The following LETM1 variants were observed in gnomAD, a reference collection of about 807,000 sequenced individuals.
LETM1 encodes leucine zipper and EF-hand containing transmembrane protein 1, also known as mitochondrial proton/calcium exchanger protein.
Under a neutral mutation model 74.5 loss-of-function variants are expected in LETM1, and 50 were observed. The ratio of observed to expected loss-of-function variants is 0.67; its 90% CI spans 0.53 to 0.85. LETM1 has a LOEUF of 0.85. Ranked by LOEUF, LETM1 falls within the 40% of genes least tolerant of loss-of-function variation. The probability of loss-of-function intolerance (pLI) is 0.00; values close to 1 mark genes in which losing one functional copy is unlikely to be tolerated. For synonymous variants in LETM1, 446 were observed against 407.1 expected, an observed-to-expected ratio of 1.10 and a Z score of -1.15; for missense variants, 824 against 967.8, an observed-to-expected ratio of 0.85 and a Z score of 1.97.
In LETM1 at chr4:1,841,397, G is replaced by C; in HGVS notation, c.544C>G (p.Leu182Val). 1.2e-6 allele frequency: 2 copies of C among 1,614,130 alleles called. No individual in the cohort carries two copies. The highest frequency in any genetic ancestry group is 8.5e-7 in the Non-Finnish European group (1 of 1,180,044). The stretch of plus-strand genomic sequence containing the variant: ...CTGTGGCCGTTGAGGATGCGCCAGA[G>C]CATGCGTGCCGCGATCTTGGTGTCG... Reference protein sequence around the residue: ...WIDTKIAARMLWRILNGHSLT... With the variant: ...WIDTKIAARMVWRILNGHSLT... Residue 182 changes from leucine to valine, a missense_variant, in exon 3 of 14, where the codon CTC becomes GTC. Transcript: ENST00000302787.
chr4:1,842,517 C>T (rs1712738497), intron 2 of LETM1, among the ~76,000 whole-genome samples: 1 of 152,246 alleles, frequency 6.6e-6, no homozygotes, highest in African/African-American at 2.4e-5. Context: ...TGCCTCTCAT[C>T]CACAGTGCTG....
chr4:1,844,886 G>GAA (rs971183682), intron 2 of LETM1, among the ~76,000 whole-genome samples: 86 of 50,874 alleles, frequency 1.7e-3, no homozygotes, highest in Non-Finnish European at 2.2e-3. Context: ...TGTCTCTACA[G>GAA]AAAAAAAAAA....
At chr4:1,838,839 C>T (rs1377927070) in intron 3 of LETM1, among the ~76,000 whole-genome samples, 4 of 152,174 alleles carry the variant, frequency 2.6e-5, no homozygotes, top group Non-Finnish European at 5.9e-5. Context: ...GGGCTGCACT[C>T]TCTGAGGCCC....
At chr4:1,829,552 C>T (rs1392265255) in intron 6 of LETM1, among the ~76,000 whole-genome samples, 3 of 152,266 alleles carry the variant, frequency 2.0e-5, no homozygotes, top group Non-Finnish European at 2.9e-5. Context: ...CAGTGGCTCA[C>T]GCCTGTAATC....
intron 2 of LETM1, among the ~76,000 whole-genome samples, chr4:1,844,326 C>T (rs1486391351): frequency 6.6e-6 from 1 of 152,254 alleles, no homozygotes; most frequent in African/African-American, 2.4e-5. Flanking sequence ...GGTCTCACAA[C>T]TGCTGTCTTA....
chr4:1,838,866 C>G (rs1245452984), intron 3 of LETM1, among the ~76,000 whole-genome samples: 1 of 152,044 alleles, frequency 6.6e-6, no homozygotes, highest in Admixed American at 6.5e-5. Context: ...TCCCATGGCT[C>G]TCACAGAAGC....
rs185672316 is a variant in LETM1, at chr4:1,842,155, G to C, written c.144-358C>G. 1.3e-4 allele frequency among the ~76,000 whole-genome samples: 20 copies of C among 152,278 alleles called. No individual in the cohort carries two copies. In the East Asian group the frequency reaches 3.9e-3, roughly 29 times the overall value. On this transcript the variant is annotated intron_variant, in intron 2 of 13. Transcript: ENST00000302787. ...TTGGGGAGGTAGGGTGCATTGCTTTGGCACTTCGTGGGGGAATGGAGTGCA... is the reference window on the plus strand; with the variant it reads ...TTGGGGAGGTAGGGTGCATTGCTTTCGCACTTCGTGGGGGAATGGAGTGCA...
rs558268364 is a variant in LETM1 at position 1,852,459 on chromosome 4, A to G, written c.83-3250T>C. The stretch of plus-strand genomic sequence containing the variant: ...TCAAGGCTTCATGACTGATTACAGT[A>G]TTGGCCCACTGGCCATGGGGACTGA... On this transcript the variant is annotated intron_variant, in intron 1 of 13. Transcript: ENST00000302787. Among the ~76,000 whole-genome samples the G allele has an allele frequency of 2.6e-5, 4 of 152,296 alleles. No individual in the cohort carries two copies. The South Asian group carries it at 8.3e-4, about 32-fold the overall frequency.
At chr4:1,815,112 A>G (rs947102915) in intron 13 of LETM1, among the ~76,000 whole-genome samples, 2 of 152,202 alleles carry the variant, frequency 1.3e-5, no homozygotes, top group Non-Finnish European at 2.9e-5. Context: ...TGGTGTGCGC[A>G]CTCAGGCTAG....
intron 12 of LETM1, among the ~76,000 whole-genome samples, chr4:1,816,071 C>A (rs1414133668): frequency 6.6e-6 from 1 of 152,280 alleles, no homozygotes; most frequent in African/African-American, 2.4e-5. Context: ...CCCTCTGGGG[C>A]CATGGCTGCT....
In LETM1 at chr4:1,832,761, T is replaced by C. The variant is rs745716847; in HGVS notation, c.1063A>G (p.Ile355Val). 2 of 1,614,238 alleles carry C rather than the reference T, an allele frequency of 1.2e-6. No homozygotes were observed. The highest frequency in any genetic ancestry group is 8.5e-7 in the Non-Finnish European group (1 of 1,180,044). The stretch of plus-strand genomic sequence containing the variant: ...AGGCTCACCTTGTCGTCTGCCTTTA[T>C]GGAGCGCAGCCGCATGGTAAGCTGG... ...RFQLTMRLRSIKADDKLIAEE... is the reference protein window; with the variant it reads ...RFQLTMRLRSVKADDKLIAEE... The change falls in exon 6 of 14, where the codon ATA becomes GTA. Residue 355 changes from isoleucine to valine, a missense_variant. Ile to Val is a conservative substitution (Grantham distance 29). Coordinates refer to ENST00000302787, the MANE Select transcript of LETM1 (RefSeq NM_012318.3).
At position 1,823,562 on chromosome 4, in the gene LETM1, C is replaced by T. The variant is rs202130182; in HGVS notation, c.1332+82G>A. 5.1e-5 allele frequency: 79 copies of T among 1,557,018 alleles called. No homozygotes were observed. The Middle Eastern group carries it at 1.4e-3, about 27-fold the overall frequency. On this transcript the variant is annotated intron_variant, in intron 8 of 13. Coordinates refer to ENST00000302787, the MANE Select transcript of LETM1 (RefSeq NM_012318.3). ...CTCGCCCATGGTTGAGGAATGAGTG[C>T]GCTTGCACACCTCCCCCCACCCCAG...
At chr4:1,844,929 C>CG (rs1430829198) in intron 2 of LETM1, among the ~76,000 whole-genome samples, 3 of 150,248 alleles carry the variant, frequency 2.0e-5, no homozygotes, top group Admixed American at 2.0e-4. Context: ...CAGTGGCTCA[C>CG]GCCTGTAATC....
intron 2 of LETM1, among the ~76,000 whole-genome samples, chr4:1,844,450 A>G (rs1221831335): frequency 1.3e-5 from 2 of 152,188 alleles, no homozygotes; most frequent in East Asian, 3.8e-4. Flanking sequence ...AAAATACTCC[A>G]GCAGGGCGCA....
At chr4:1,835,640 C>T (rs1049448090) in intron 4 of LETM1, among the ~76,000 whole-genome samples, 1 of 152,094 alleles carries the variant, frequency 6.6e-6, no homozygotes, top group African/African-American at 2.4e-5. Context: ...GACTGGGCAT[C>T]GCAGGTCCCC....
chr4:1,828,508 A>G (rs1304951531), intron 6 of LETM1, among the ~76,000 whole-genome samples: 1 of 8,534 alleles, frequency 1.2e-4, no homozygotes. Context: ...AGGGGGGCTG[A>G]CCCCCCCCCC....
At chr4:1,850,996 A>G (rs1577329106) in intron 1 of LETM1, among the ~76,000 whole-genome samples, 1 of 152,156 alleles carries the variant, frequency 6.6e-6, no homozygotes, top group South Asian at 2.1e-4. Flanking sequence ...CATTTCTTGT[A>G]TAAACAACAG....
At position 1,848,147 on chromosome 4, in the gene LETM1, T is replaced by C. The variant is rs559210433; in HGVS notation, c.143+1002A>G. Among the ~76,000 whole-genome samples the C allele has an allele frequency of 4.6e-5, 7 of 152,340 alleles. No homozygotes were observed. In the East Asian group the frequency reaches 1.3e-3, roughly 29 times the overall value. On this transcript the variant is annotated intron_variant, in intron 2 of 13. Coordinates refer to ENST00000302787, the MANE Select transcript of LETM1 (RefSeq NM_012318.3). ...TGCCAGGCATGGTGGCTCACACCTA[T>C]AATCCCAGCACTTTGGGAGGCTAAG...
intron 1 of LETM1, 113 bp from the exon 2 acceptor site, chr4:1,849,322 T>C (rs1264993715): frequency 4.1e-6 from 3 of 727,950 alleles, no homozygotes; most frequent in Non-Finnish European, 7.4e-6. Flanking sequence ...TAGAGTGCAA[T>C]GGCGTGATCT....
Sources: gnomAD v4.1 joint callset for allele counts (sites outside exome capture counted in the v4.1 genomes callset) on GRCh38, gnomAD v4.1.1 for gene constraint, MANE v1.5 for transcripts, NCBI Gene and HGNC (gene_info 2026-07-23, HGNC 2026-07-21) for gene names.